XYLB: variants seen among roughly 807,000 people sequenced by gnomAD.
XYLB encodes the protein xylulokinase, also known as xylulose kinase.
A neutral mutation model predicts 78.7 loss-of-function variants in XYLB; 62 were observed. The observed-to-expected ratio is 0.79, with a 90% CI of 0.64 to 0.97. The LOEUF is 0.97. Among genes scored for constraint, XYLB ranks in the 50% least tolerant of loss-of-function variants. XYLB has a pLI of 0.00. For synonymous variants in XYLB, 245 were observed against 247.4 expected, an observed-to-expected ratio of 0.99 and a Z score of 0.09; for missense variants, 687 against 676.8, an observed-to-expected ratio of 1.02 and a Z score of -0.17.
intron 15 of XYLB, among the ~76,000 whole-genome samples, chr3:38,390,386 G>A (rs1170644243): frequency 6.6e-6 from 1 of 151,984 alleles, no homozygotes; most frequent in Non-Finnish European, 1.5e-5. Context: ...GCTAAGTTTT[G>A]TATTTTTAGT....
At chr3:38,402,128 A>G (rs1708145738) in intron 18 of XYLB, among the ~76,000 whole-genome samples, 1 of 152,158 alleles carries the variant, frequency 6.6e-6, no homozygotes, top group Admixed American at 6.5e-5. Context: ...CCAGGTGGAT[A>G]CTGGCACATA....
At chr3:38,376,345 G>A in intron 13 of XYLB, 113 bp downstream of exon 13, 1 of 732,342 alleles carries the variant, frequency 1.4e-6, no homozygotes, top group Admixed American at 2.0e-5. Flanking sequence ...GAAGTCCAGG[G>A]GAGTCCTGTC....
At chr3:38,424,076 C>A (rs906035060), downstream of XYLB, among the ~76,000 whole-genome samples, 13 of 152,174 alleles carry the variant, frequency 8.5e-5, no homozygotes, top group Non-Finnish European at 1.3e-4. Flanking sequence ...AAACCCTTGG[C>A]AATTAACAAA....
chr3:38,354,660 A>C (rs1044025096), intron 2 of XYLB, among the ~76,000 whole-genome samples: 1 of 151,602 alleles, frequency 6.6e-6, no homozygotes, highest in African/African-American at 2.4e-5. Context: ...ATACCACTAC[A>C]CTTGGCTAAT....
downstream of XYLB, among the ~76,000 whole-genome samples, chr3:38,425,910 T>C (rs1709090579): frequency 6.6e-6 from 1 of 152,232 alleles, no homozygotes; most frequent in African/African-American, 2.4e-5. Context: ...CTTGTGTGAA[T>C]TCTTCCTTGT....
chr3:38,413,121 C>T lies in XYLB; in HGVS notation c.*108C>T. 1 of 1,101,404 alleles carries T rather than the reference C, an allele frequency of 9.1e-7. No individual in the cohort carries two copies. Among genetic ancestry groups the T allele is most frequent in the Admixed American group, 3.1e-5 (1 of 32,706 alleles). The allele number at this position is 1,101,404 out of a possible 1,614,324, so 68.2% of individuals were successfully genotyped here. A position where few individuals can be genotyped will look rare whatever the true frequency, so the allele number is the denominator to read the frequency against. On this transcript the variant is annotated 3_prime_UTR_variant, in exon 19 of 19. Coordinates refer to ENST00000207870, the MANE Select transcript of XYLB (RefSeq NM_005108.4). ...TCTGTTCTGAACAGCTCTTCCTGCC[C>T]CTACTGACTCCTTGGAGTGTCCAGG...
chr3:38,435,719 T>C, the XYLB span, among the ~76,000 whole-genome samples: 1 of 152,192 alleles, frequency 6.6e-6, no homozygotes, highest in Non-Finnish European at 1.5e-5. Context: ...AACAATTTTT[T>C]AGAAATCAAA....
At chr3:38,405,919 G>GGCCT (rs1246716709) in intron 18 of XYLB, among the ~76,000 whole-genome samples, 1 of 152,246 alleles carries the variant, frequency 6.6e-6, no homozygotes, top group African/African-American at 2.4e-5. Context: ...AGCTCAAGGA[G>GGCCT]GCCTGCCTGC....
In XYLB at chr3:38,399,161, G is replaced by A. The variant is rs536797226; in HGVS notation, c.1439-1730G>A. On this transcript the variant is annotated intron_variant, in intron 17 of 18. Coordinates refer to ENST00000207870, the MANE Select transcript of XYLB (RefSeq NM_005108.4). Reference sequence around the variant, plus strand: ...GTTGTCCAGCCTGGAGTGCAGTGGCGTAGTCATGGCTCACTGCAGCCTCGA... The same window carrying A: ...GTTGTCCAGCCTGGAGTGCAGTGGCATAGTCATGGCTCACTGCAGCCTCGA... Among the ~76,000 whole-genome samples the A allele has an allele frequency of 7.2e-5, 11 of 152,194 alleles. 1 individual carries two copies. In the South Asian group the frequency reaches 1.0e-3, roughly 14 times the overall value.
At chr3:38,401,341 A>G (rs1559614177) in intron 18 of XYLB, among the ~76,000 whole-genome samples, 1 of 152,176 alleles carries the variant, frequency 6.6e-6, no homozygotes, top group Non-Finnish European at 1.5e-5. Flanking sequence ...GTCTAGACCC[A>G]AGATAGCTGT....
At chr3:38,416,613 G>A (rs1418477378), downstream of XYLB, among the ~76,000 whole-genome samples, 2 of 151,562 alleles carry the variant, frequency 1.3e-5, no homozygotes, top group Non-Finnish European at 2.9e-5. Flanking sequence ...TTCAGGAGAG[G>A]CTAAAAAAAA....
intron 15 of XYLB, among the ~76,000 whole-genome samples, chr3:38,392,867 TATTGTTTAAGAG>T (rs1707725570): frequency 6.6e-6 from 1 of 152,218 alleles, no homozygotes; most frequent in Admixed American, 6.5e-5. Flanking sequence ...GCTTTTGAGA[TATTGTTTAAGAG>T]ATTTCCCCCC....
intron 15 of XYLB, among the ~76,000 whole-genome samples, chr3:38,383,685 G>C (rs1707253212): frequency 6.6e-6 from 1 of 152,102 alleles, no homozygotes; most frequent in Non-Finnish European, 1.5e-5. Context: ...GGGTGGCAGG[G>C]GTGGCAGGAG....
chr3:38,434,773 A>G, the XYLB span, among the ~76,000 whole-genome samples: 1 of 152,232 alleles, frequency 6.6e-6, no homozygotes, highest in Non-Finnish European at 1.5e-5. Context: ...ATATGATAGG[A>G]ACAAAGCCTC....
At chr3:38,412,685 A>T (rs1000775513) in intron 18 of XYLB, among the ~76,000 whole-genome samples, 2 of 152,150 alleles carry the variant, frequency 1.3e-5, no homozygotes, top group Non-Finnish European at 2.9e-5. Context: ...TCTCACCAGA[A>T]TTTTTTTGAA....
At chr3:38,434,922 CAGG>C in the XYLB span, among the ~76,000 whole-genome samples, 1 of 152,126 alleles carries the variant, frequency 6.6e-6, no homozygotes, top group East Asian at 1.9e-4. Context: ...TGCTTGAGGC[CAGG>C]AGTTCAAGAC....
At chr3:38,386,155 C>T (rs1317828285) in intron 15 of XYLB, among the ~76,000 whole-genome samples, 2 of 151,952 alleles carry the variant, frequency 1.3e-5, no homozygotes, top group African/African-American at 2.4e-5. Context: ...TTCTTCTGAC[C>T]CCTCCAGATT....
intron 18 of XYLB, among the ~76,000 whole-genome samples, chr3:38,407,217 G>A (rs1466272766): frequency 2.7e-5 from 4 of 149,504 alleles, no homozygotes; most frequent in Non-Finnish European, 6.0e-5. Flanking sequence ...GAAGAGAGTG[G>A]GGGCCAATAT....
the XYLB span, among the ~76,000 whole-genome samples, chr3:38,427,937 A>G: frequency 1.3e-5 from 2 of 152,192 alleles, no homozygotes; most frequent in Non-Finnish European, 2.9e-5. Flanking sequence ...TAACTGATTT[A>G]AGACATTTCC....
Sources: allele counts gnomAD v4.1 joint callset (sites outside exome capture counted in the v4.1 genomes callset), GRCh38; gene constraint gnomAD v4.1.1; transcripts MANE v1.5; gene names NCBI Gene and HGNC (gene_info 2026-07-23, HGNC 2026-07-21).